APOB: variants seen among roughly 807,000 people sequenced by gnomAD.
The protein encoded by APOB is apolipoprotein B-100.
Under a neutral mutation model 314.1 loss-of-function variants are expected in APOB, and 153 were observed. The ratio of observed to expected loss-of-function variants is 0.49; its 90% CI spans 0.43 to 0.56. The LOEUF is 0.56. Ranked by LOEUF, APOB falls within the 20% of genes least tolerant of loss-of-function variation. APOB has a pLI of 0.00. For missense variants in APOB, 5,430 were observed against 5,350.7 expected, an observed-to-expected ratio of 1.01 and a Z score of -0.46; for synonymous variants, 2,087 against 2,036.4, an observed-to-expected ratio of 1.02 and a Z score of -0.67.
rs1361011656 is a variant in APOB, at chr2:21,002,077, G to C, written c.13345C>G (p.Gln4449Glu). Reference sequence around the variant, plus strand: ...TCGGTAAGGATGCTAAGATATTCCTGAATATTTCTGTGCAGAAATTGCTCA... The same window carrying C: ...TCGGTAAGGATGCTAAGATATTCCTCAATATTTCTGTGCAGAAATTGCTCA... ...QVEQFLHRNI[Q>E]EYLSILTDPD... is the part of the protein sequence containing the mutation. The change falls in exon 29 of 29, where the codon CAG becomes GAG. Residue 4449 changes from glutamine to glutamate, a missense_variant. Physicochemically the swap from Gln to Glu is conservative, Grantham distance 29. This residue lies in a region of APOB where 3,281 missense variants were observed against 3,171.0 expected (regional missense o/e 1.03). Transcript: ENST00000233242. 1.2e-6 allele frequency: 2 copies of C among 1,613,822 alleles called. No individual in the cohort carries two copies. The highest frequency in any genetic ancestry group is 1.3e-5 in the African/African-American group (1 of 74,890).
chr2:21,014,119 G>T (rs1277399727), intron 24 of APOB, among the ~76,000 whole-genome samples: 1 of 152,194 alleles, frequency 6.6e-6, no homozygotes. Context: ...TAGCTTAACA[G>T]CAAGCCTGTA....
Position 21,011,204 on chromosome 2 carries a change from G to A in APOB, c.5664C>T (p.Asp1888=), listed in dbSNP as rs1436937076. 3 of 1,614,094 alleles carry A rather than the reference G, an allele frequency of 1.9e-6. No individual in the cohort carries two copies. Among genetic ancestry groups the A allele is most frequent in the African/African-American group, 1.3e-5 (1 of 74,934 alleles). Residue 1888 remains aspartate, a synonymous_variant, in exon 26 of 29, where the codon GAC becomes GAT. Transcript: ENST00000233242. ...GGAAGACATTGCTGAAATGCAGTGA[G>A]TCTGAATTATAGTTTGTGCTCATGT... The part of the protein sequence containing the change: ...AIDMSTNYNS[D]SLHFSNVFRS...
At chr2:21,028,268 G>A (rs1663788262) in intron 13 of APOB, 59 bp downstream of exon 13, 1 of 1,455,726 alleles carries the variant, frequency 6.9e-7, no homozygotes, top group Non-Finnish European at 9.7e-7. Flanking sequence ...CCAAAACCTA[G>A]GGTTGGAATT....
At position 21,011,504 on chromosome 2, in the gene APOB, T is replaced by C. The variant is rs767618769; in HGVS notation, c.5364A>G (p.Leu1788=). The change falls in exon 26 of 29, where the codon CTA becomes CTG. Residue 1788 remains leucine, a synonymous_variant. Coordinates refer to ENST00000233242, the MANE Select transcript of APOB (RefSeq NM_000384.3). The stretch of plus-strand genomic sequence containing the variant: ...AAGTAGTTACCAGAGAATAGGGCTG[T>C]AGCTGTAAATTAACAGTTTGCTTAT... ...KFYKQTVNLQ[L]QPYSLVTTLN... is the part of the protein sequence containing the mutation. 6.2e-7 allele frequency: 1 copy of C among 1,614,206 alleles called. No homozygotes were observed. The highest frequency in any genetic ancestry group is 1.7e-5 in the Admixed American group (1 of 60,028).
rs765472836 is a variant in APOB at position 21,023,037 on chromosome 2, C to A, written c.2610G>T (p.Gln870His). 6.2e-7 allele frequency: 1 copy of A among 1,614,102 alleles called. No individual in the cohort carries two copies. The highest frequency in any genetic ancestry group is 1.1e-5 in the South Asian group (1 of 91,084). The change falls in exon 18 of 29, where the codon CAG (glutamine) becomes CAT (histidine). Residue 870 changes from glutamine to histidine, a missense_variant. Physicochemically the swap from Gln to His is conservative, Grantham distance 24. Around this residue, in one of 3 missense-constraint regions of APOB, gnomAD observed 2,085 missense variants for 2,079.7 expected, o/e 1.00. Coordinates refer to ENST00000233242, the MANE Select transcript of APOB (RefSeq NM_000384.3). ...CGGAGGGTTTTGCCACCAGTTCAGC[C>A]TGCATCTATAAGTCAGAAAACAACC... is the stretch of plus-strand genomic sequence containing the variant. ...AGVKLEVANM[Q>H]AELVAKPSVS...
intron 15 of APOB, 82 bp downstream of exon 15, chr2:21,026,706 G>A (rs1663739075): frequency 8.7e-7 from 1 of 1,149,956 alleles, no homozygotes; most frequent in Non-Finnish European, 1.3e-6. Context: ...ATAGTATTTT[G>A]AGGACTTCCA....
intron 18 of APOB, among the ~76,000 whole-genome samples, chr2:21,022,110 C>A (rs182837730): frequency 1.3e-5 from 2 of 152,190 alleles, no homozygotes; most frequent in East Asian, 3.9e-4. Context: ...CATGTGCCAC[C>A]ACGACTGGCT....
chr2:21,024,598 C>T, intron 16 of APOB: 1 of 491,710 alleles, frequency 2.0e-6, no homozygotes, highest in South Asian at 3.1e-5. Flanking sequence ...AGCCTGGGAG[C>T]AAGACTCCAT....
At chr2:21,040,887 T>C in intron 4 of APOB, 51 bp downstream of exon 4, 1 of 1,607,764 alleles carries the variant, frequency 6.2e-7, no homozygotes, top group Non-Finnish European at 8.5e-7. Context: ...CACAAGTTCA[T>C]ACCTCAGCGG....
rs1231889754 is a variant in APOB at position 21,004,586 on chromosome 2, C to T, written c.11878G>A (p.Glu3960Lys). The T allele has an allele frequency of 1.9e-6, 3 of 1,613,796 alleles. No homozygotes were observed. Among genetic ancestry groups the T allele is most frequent in the African/African-American group, 2.7e-5 (2 of 74,898 alleles). Residue 3960 changes from glutamate to lysine, a missense_variant, in exon 27 of 29, where the codon GAA (glutamate) becomes AAA (lysine). Physicochemically the swap from Glu to Lys is moderately conservative, Grantham distance 56 (BLOSUM62 1). Transcript: ENST00000233242. ...AHRDFSAEYE[E>K]DGKYEGLQEW... ...TGAAGTCCTTCATATTTGCCATCTT[C>T]TTCATATTCTGCACTGAAGTCACGG...
chr2:21,031,808 T>C (rs914406337), intron 10 of APOB, among the ~76,000 whole-genome samples: 2 of 151,788 alleles, frequency 1.3e-5, no homozygotes, highest in African/African-American at 4.8e-5. Context: ...CGTGACTGCA[T>C]CACTGCACTC....
intron 21 of APOB, among the ~76,000 whole-genome samples, chr2:21,015,982 G>T (rs373898025): frequency 6.6e-6 from 1 of 152,160 alleles, no homozygotes; most frequent in African/African-American, 2.4e-5. Context: ...CTGGACATGC[G>T]CAGAGGGTTA....
chr2:21,005,715 G>C lies in APOB; in HGVS notation c.11153C>G (p.Ser3718Ter), dbSNP rs1326215299. 7.4e-6 allele frequency: 12 copies of C among 1,613,814 alleles called. No homozygotes were observed. The highest frequency in any genetic ancestry group is 1.0e-5 in the Non-Finnish European group (12 of 1,179,956). The change falls in exon 26 of 29, where the codon TCA becomes TGA. Residue 3718 changes from serine (S) to a stop codon, truncating the protein, a stop_gained. Transcript: ENST00000233242. LOFTEE classifies it high-confidence loss of function. ...CAAAACTTTTACAGGGATGGAGAATGAATAGCCATTGGGGTTTTTGGTGTA... is the reference window on the plus strand; with the variant it reads ...CAAAACTTTTACAGGGATGGAGAATCAATAGCCATTGGGGTTTTTGGTGTA... ...FVYTKNPNGYSFSIPVKVLAD... is the reference protein window; with the variant it reads ...FVYTKNPNGY
intron 8 of APOB, 144 bp from the exon 9 acceptor site, chr2:21,033,662 C>T: frequency 2.7e-6 from 2 of 745,944 alleles, no homozygotes; most frequent in South Asian, 1.5e-5. Flanking sequence ...CTAGATCTGG[C>T]TCTGCCATAG....
intron 4 of APOB, among the ~76,000 whole-genome samples, chr2:21,038,853 T>C (rs762114923): frequency 2.0e-5 from 3 of 152,232 alleles, no homozygotes; most frequent in Non-Finnish European, 4.4e-5. Context: ...TTATGCATAC[T>C]TTTATCTTGT....
At position 21,009,144 on chromosome 2, in the gene APOB, T is replaced by A. The variant is rs201152495; in HGVS notation, c.7724A>T (p.Lys2575Ile). 4.1e-5 allele frequency: 66 copies of A among 1,614,056 alleles called. No homozygotes were observed. In the East Asian group the frequency reaches 1.2e-3, roughly 28 times the overall value. ...AEQYSIQDWAKRMKALVEQGF... is the reference protein window; with the variant it reads ...AEQYSIQDWAIRMKALVEQGF... ...TTGCTCTACCAATGCTTTCATACGT[T>A]TAGCCCAATCTTGGATAGAATATTG... The change falls in exon 26 of 29, where the codon AAA becomes ATA. Residue 2575 changes from lysine to isoleucine, a missense_variant. This residue lies in a region of APOB where 3,281 missense variants were observed against 3,171.0 expected (regional missense o/e 1.03). Coordinates refer to ENST00000233242, the MANE Select transcript of APOB (RefSeq NM_000384.3).
intron 26 of APOB, 122 bp from the exon 27 acceptor site, chr2:21,004,797 T>A: frequency 1.3e-6 from 1 of 796,606 alleles, no homozygotes; most frequent in East Asian, 2.6e-5. Flanking sequence ...AAATATGCAA[T>A]GTACAGCTCA....
rs768963343 is a variant in APOB, at chr2:21,007,962, C to T, written c.8906G>A (p.Arg2969Lys). 5 of 1,614,028 alleles carry T rather than the reference C, an allele frequency of 3.1e-6. No individual in the cohort carries two copies. The highest frequency in any genetic ancestry group is 4.2e-6 in the Non-Finnish European group (5 of 1,179,936). ...LSNKINSKHLRVNQNLVYESG... is the reference protein window; with the variant it reads ...LSNKINSKHLKVNQNLVYESG... The stretch of plus-strand genomic sequence containing the variant: ...TTCATAAACCAAGTTTTGGTTTACT[C>T]TTAGGTGTTTGCTATTGATCTTATT... The change falls in exon 26 of 29, where the codon AGA (arginine) becomes AAA (lysine). Residue 2969 changes from arginine to lysine, a missense_variant. By Grantham distance (26) the Arg-to-Lys change is conservative. Coordinates refer to ENST00000233242, the MANE Select transcript of APOB (RefSeq NM_000384.3).
At chr2:21,033,050 G>A (rs1376376903) in intron 9 of APOB, among the ~76,000 whole-genome samples, 2 of 152,166 alleles carry the variant, frequency 1.3e-5, no homozygotes, top group Non-Finnish European at 2.9e-5. Flanking sequence ...ATCAAAATGT[G>A]GGAACTATTC....
Sources: allele counts gnomAD v4.1 joint callset (sites outside exome capture counted in the v4.1 genomes callset), GRCh38; gene constraint gnomAD v4.1.1; regional missense constraint gnomAD v4.1.1; transcripts MANE v1.5; gene names NCBI Gene and HGNC (gene_info 2026-07-23, HGNC 2026-07-21).